KLHL1: variants seen among roughly 807,000 people sequenced by gnomAD.
KLHL1 encodes kelch like family member 1.
In KLHL1, 47 loss-of-function variants were observed where a neutral mutation model predicts 77.7. The observed-to-expected ratio is 0.60, with a 90% CI of 0.48 to 0.77. The LOEUF is 0.77. KLHL1 is among the 30% of genes least tolerant of loss of function. The probability of loss-of-function intolerance (pLI) is 0.00; values close to 1 mark genes in which losing one functional copy is unlikely to be tolerated. For synonymous variants in KLHL1, 360 were observed against 325.2 expected (o/e 1.11, Z -1.15); for missense variants, 925 against 910.8 (o/e 1.02, Z -0.20).
intron 1 of KLHL1, among the ~76,000 whole-genome samples, chr13:70,004,274 C>A (rs2472286): frequency 0.99 from 150,975 of 151,940 alleles, 75,020 homozygotes; most frequent in East Asian, 1. Context: ...TTTAGAAAAA[C>A]GTAGGACCTC....
intron 1 of KLHL1, among the ~76,000 whole-genome samples, chr13:69,984,708 C>T (rs1470406537): frequency 6.6e-6 from 1 of 152,160 alleles, no homozygotes; most frequent in African/African-American, 2.4e-5. Context: ...AACCTCCGCT[C>T]TTAACTTCAC....
intron 7 of KLHL1, among the ~76,000 whole-genome samples, chr13:69,791,323 T>C (rs1876861213): frequency 6.6e-6 from 1 of 152,040 alleles, no homozygotes; most frequent in Non-Finnish European, 1.5e-5. Flanking sequence ...ATATACAAGA[T>C]TGGAAGATTT....
intron 8 of KLHL1, among the ~76,000 whole-genome samples, chr13:69,732,145 TAAAC>T (rs1873576738): frequency 1.3e-5 from 2 of 152,146 alleles, no homozygotes. Context: ...CAAACGATCA[TAAAC>T]AAATTGGCAT....
At position 69,840,785 on chromosome 13, in the gene KLHL1, A is replaced by AT. The variant is rs1182997983; in HGVS notation, c.1228-1624dup. On this transcript the variant is annotated intron_variant, in intron 5 of 10. Transcript: ENST00000377844. ...TTGAAAGGACTACTATTTTTAGTAA[A>AT]TTTTTTTTTTTTTATTCACCAAAGG... Among the ~76,000 whole-genome samples, 408 of 144,762 alleles carry AT rather than the reference A, an allele frequency of 2.8e-3. 2 individuals carry two copies. The East Asian group carries it at 0.031, about 11-fold the overall frequency. 95.0% of individuals were successfully genotyped at this position (144,762 alleles called of 152,430 possible).
intron 1 of KLHL1, among the ~76,000 whole-genome samples, chr13:69,983,633 G>A (rs1284360195): frequency 7.0e-6 from 1 of 142,324 alleles, no homozygotes; most frequent in Non-Finnish European, 1.5e-5. Flanking sequence ...TGTGTTTGAT[G>A]GTAAACTCCT....
chr13:69,886,861 A>G (rs2138202516), intron 4 of KLHL1, among the ~76,000 whole-genome samples: 1 of 152,284 alleles, frequency 6.6e-6, no homozygotes, highest in African/African-American at 2.4e-5. Context: ...TCTAAGCATT[A>G]TAGTAGGAAG....
At chr13:70,095,817 C>T (rs1399230741) in intron 1 of KLHL1, among the ~76,000 whole-genome samples, 2 of 151,492 alleles carry the variant, frequency 1.3e-5, no homozygotes, top group East Asian at 4.0e-4. Flanking sequence ...AATAACTGTC[C>T]CTTCTCCCTC....
At chr13:69,883,736 G>A (rs987890811) in intron 4 of KLHL1, among the ~76,000 whole-genome samples, 1 of 152,206 alleles carries the variant, frequency 6.6e-6, no homozygotes, top group African/African-American at 2.4e-5. Context: ...AAACAGCACA[G>A]GATGGTACAG....
At chr13:69,992,195 G>T (rs1022508648) in intron 1 of KLHL1, among the ~76,000 whole-genome samples, 1 of 151,952 alleles carries the variant, frequency 6.6e-6, no homozygotes, top group African/African-American at 2.4e-5. Flanking sequence ...TGAAATATTT[G>T]TGTCATTTTT....
At chr13:69,956,017 G>GATATATATATTTATATATATTTA (rs1214625646) in intron 3 of KLHL1, among the ~76,000 whole-genome samples, 2 of 86,412 alleles carry the variant, frequency 2.3e-5, no homozygotes, top group African/African-American at 9.6e-5. Flanking sequence ...ATATATATTT[G>GATATATATATTTATATATATTTA]ATATATATTT....
chr13:70,028,979 TAAA>T (rs5804464), intron 1 of KLHL1, among the ~76,000 whole-genome samples: 4 of 147,004 alleles, frequency 2.7e-5, no homozygotes, highest in African/African-American at 1.0e-4. Flanking sequence ...GAAAACTTGT[TAAA>T]AAAAAAAAAA....
chr13:69,839,020 G>A lies in KLHL1; in HGVS notation c.1370C>T (p.Thr457Ile). ...QSPRTKPRKS[T>I]VGTLYAVGGM... The stretch of plus-strand genomic sequence containing the variant: ...TCCTACAGCATACAAAGTTCCGACT[G>A]TAGATTTTCTGGGTTTAGTTCTCGG... The change falls in exon 6 of 11, where the codon ACA becomes ATA. Residue 457 changes from threonine (T) to isoleucine (I), a missense_variant. Transcript: ENST00000377844. 2.5e-6 allele frequency: 4 copies of A among 1,610,054 alleles called. No homozygotes were observed. Among genetic ancestry groups the A allele is most frequent in the Non-Finnish European group, 3.4e-6 (4 of 1,177,874 alleles).
intron 5 of KLHL1, among the ~76,000 whole-genome samples, chr13:69,865,750 AT>A (rs1198591168): frequency 6.6e-6 from 1 of 152,170 alleles, no homozygotes; most frequent in Admixed American, 6.6e-5. Flanking sequence ...GAAAACCTTT[AT>A]TTAAAGAGGA....
chr13:69,867,727 C>A (rs1432895303), intron 5 of KLHL1, among the ~76,000 whole-genome samples: 1 of 150,502 alleles, frequency 6.6e-6, no homozygotes, highest in Non-Finnish European at 1.5e-5. Flanking sequence ...CACAATAGTA[C>A]CTTTATTTTC....
chr13:69,881,717 C>T (rs899964101), intron 5 of KLHL1, among the ~76,000 whole-genome samples: 5 of 152,006 alleles, frequency 3.3e-5, no homozygotes, highest in African/African-American at 4.8e-5. Flanking sequence ...TAAGTTGGCT[C>T]ACTTGGTGTC....
intron 1 of KLHL1, among the ~76,000 whole-genome samples, chr13:69,994,904 A>C (rs1014372077): frequency 6.6e-6 from 1 of 152,126 alleles, no homozygotes; most frequent in Admixed American, 6.6e-5. Flanking sequence ...CACTGACAAG[A>C]AAACCTATAG....
At chr13:69,726,046 C>T (rs1873284984) in intron 8 of KLHL1, among the ~76,000 whole-genome samples, 1 of 152,076 alleles carries the variant, frequency 6.6e-6, no homozygotes. Flanking sequence ...TGAAATTTAG[C>T]TTTATTTATA....
chr13:70,062,670 G>T (rs184415429), intron 1 of KLHL1, among the ~76,000 whole-genome samples: 1 of 151,876 alleles, frequency 6.6e-6, no homozygotes, highest in Admixed American at 6.6e-5. Context: ...AGTAAATATC[G>T]TACCTGTCCA....
Position 70,107,351 on chromosome 13 carries a change from T to G in KLHL1, c.349A>C (p.Arg117=). The G allele has an allele frequency of 1.9e-6, 3 of 1,614,028 alleles. No individual in the cohort carries two copies. Among genetic ancestry groups the G allele is most frequent in the Non-Finnish European group, 2.5e-6 (3 of 1,180,020 alleles). The change falls in exon 1 of 11, where the codon AGG becomes CGG. Residue 117 remains arginine, a synonymous_variant. Coordinates refer to ENST00000377844, the MANE Select transcript of KLHL1 (RefSeq NM_020866.3). The part of the protein sequence containing the change: ...APGQGTQQPA[R]TLFYVESLEE... ...AGTGACTCCACGTAGAAGAGAGTCC[T>G]GGCTGGCTGCTGAGTGCCCTGCCCA... is the stretch of plus-strand genomic sequence containing the variant.
Sources: allele counts gnomAD v4.1 joint callset (sites outside exome capture counted in the v4.1 genomes callset), GRCh38; gene constraint gnomAD v4.1.1; transcripts MANE v1.5; gene names NCBI Gene and HGNC (gene_info 2026-07-23, HGNC 2026-07-21).